PTPN13: variants seen among roughly 807,000 people sequenced by gnomAD.
PTPN13 encodes the protein protein tyrosine phosphatase non-receptor type 13.
PTPN13 carries 191 observed loss-of-function variants against 284.0 expected under a neutral mutation model. The observed-to-expected ratio is 0.67, with a 90% CI of 0.60 to 0.76. The LOEUF (loss-of-function observed/expected upper bound fraction) is 0.76, where lower values mean the gene tolerates loss of function less well. Ranked by LOEUF, PTPN13 falls within the 30% of genes least tolerant of loss-of-function variation. The pLI, the probability that PTPN13 is intolerant of heterozygous loss-of-function variation, is 0.00. For synonymous variants in PTPN13, 986 were observed against 1,022.3 expected (o/e 0.96, Z 0.68); for missense variants, 2,797 against 2,939.9 (o/e 0.95, Z 1.12).
chr4:86,720,777 A>C lies in PTPN13; in HGVS notation c.1386-1435A>C, dbSNP rs144895680. Among the ~76,000 whole-genome samples the C allele has an allele frequency of 2.0e-5, 3 of 152,288 alleles. No individual in the cohort carries two copies. In the East Asian group the frequency reaches 5.8e-4, roughly 29 times the overall value. ...AAAAGTTTCTATTCCCTTTAGCTAG[A>C]ATAAAATGGCAAAACAGATCCAGAG... On this transcript the variant is annotated intron_variant, in intron 9 of 47. Transcript: ENST00000411767.
At chr4:86,616,366 A>C (rs1283081550) in intron 1 of PTPN13, among the ~76,000 whole-genome samples, 1 of 152,176 alleles carries the variant, frequency 6.6e-6, no homozygotes, top group Non-Finnish European at 1.5e-5. Flanking sequence ...ATGTTACCTC[A>C]TAGAGATGAG....
chr4:86,702,248 T>C (rs994286455), intron 7 of PTPN13, among the ~76,000 whole-genome samples: 29 of 152,340 alleles, frequency 1.9e-4, no homozygotes, highest in Non-Finnish European at 3.7e-4. Flanking sequence ...TTATGGTGCA[T>C]TGCTTCTCAA....
chr4:86,675,617 T>A (rs973045779), intron 3 of PTPN13, among the ~76,000 whole-genome samples: 1 of 152,168 alleles, frequency 6.6e-6, no homozygotes, highest in Admixed American at 6.5e-5. Flanking sequence ...CTGTACATGT[T>A]TGTATGAAAA....
chr4:86,695,234 C>G (rs1314364088), intron 6 of PTPN13, among the ~76,000 whole-genome samples: 1 of 151,784 alleles, frequency 6.6e-6, no homozygotes, highest in African/African-American at 2.4e-5. Flanking sequence ...GAGTTTTTTT[C>G]TAATGCATAT....
At chr4:86,616,827 C>T (rs1454378482) in intron 1 of PTPN13, among the ~76,000 whole-genome samples, 1 of 152,136 alleles carries the variant, frequency 6.6e-6, no homozygotes, top group Non-Finnish European at 1.5e-5. Context: ...TATGAATTAC[C>T]TAGCCTCAGA....
intron 10 of PTPN13, among the ~76,000 whole-genome samples, chr4:86,723,769 A>G (rs1733929847): frequency 6.6e-6 from 1 of 152,172 alleles, no homozygotes; most frequent in Non-Finnish European, 1.5e-5. Flanking sequence ...GTGAAGCAAT[A>G]TTTCATTTGT....
intron 10 of PTPN13, among the ~76,000 whole-genome samples, chr4:86,728,336 T>G (rs1734523725): frequency 6.7e-6 from 1 of 149,386 alleles, no homozygotes; most frequent in South Asian, 2.1e-4. Flanking sequence ...TAGGTCCACT[T>G]GTTGCAGAGC....
chr4:86,747,553 GCA>G (rs1736921021), intron 17 of PTPN13, among the ~76,000 whole-genome samples: 2 of 143,092 alleles, frequency 1.4e-5, no homozygotes, highest in East Asian at 3.9e-4. Flanking sequence ...AGCAGCGGCA[GCA>G]GCAGCAGCAG....
intron 1 of PTPN13, among the ~76,000 whole-genome samples, chr4:86,634,493 T>C (rs191842402): frequency 2.0e-5 from 3 of 152,310 alleles, no homozygotes; most frequent in African/African-American, 7.2e-5. Flanking sequence ...GACAAAAATT[T>C]CAGCACAGAC....
chr4:86,749,310 TTCATCA>T (rs748716956), intron 17 of PTPN13, among the ~76,000 whole-genome samples: 59 of 151,242 alleles, frequency 3.9e-4, no homozygotes, highest in African/African-American at 1.2e-3. Context: ...TTTCTTCATC[TTCATCA>T]TCATCATCAT....
At chr4:86,802,996 A>T (rs1744204578) in intron 42 of PTPN13, among the ~76,000 whole-genome samples, 1 of 151,748 alleles carries the variant, frequency 6.6e-6, no homozygotes, top group African/African-American at 2.4e-5. Context: ...ATCGCCTGAG[A>T]CAGGTGGTTG....
At chr4:86,807,204 G>A (rs1744752229) in intron 44 of PTPN13, among the ~76,000 whole-genome samples, 1 of 152,054 alleles carries the variant, frequency 6.6e-6, no homozygotes, top group Admixed American at 6.6e-5. Context: ...TTAAAATAAT[G>A]ATGGAGAAGT....
intron 3 of PTPN13, among the ~76,000 whole-genome samples, chr4:86,678,040 C>A (rs1305283034): frequency 2.6e-5 from 4 of 152,070 alleles, no homozygotes; most frequent in African/African-American, 9.7e-5. Context: ...ACTGGTGTTC[C>A]TAGTCCTACA....
chr4:86,680,803 G>T (rs1419865473), intron 3 of PTPN13, among the ~76,000 whole-genome samples: 1 of 152,174 alleles, frequency 6.6e-6, no homozygotes, highest in Non-Finnish European at 1.5e-5. Context: ...TTATTAGACA[G>T]ATCTTGTGCT....
At chr4:86,761,171 A>AG (rs1166814661) in intron 23 of PTPN13, among the ~76,000 whole-genome samples, 1 of 85,956 alleles carries the variant, frequency 1.2e-5, no homozygotes, top group Non-Finnish European at 2.5e-5. Context: ...TATATATATA[A>AG]ACACAACACA....
At chr4:86,681,871 G>A (rs963528591) in intron 3 of PTPN13, among the ~76,000 whole-genome samples, 8 of 152,050 alleles carry the variant, frequency 5.3e-5, no homozygotes, top group African/African-American at 1.4e-4. Flanking sequence ...GAAGGTTGCA[G>A]TGAGCTGAGA....
At chr4:86,694,316 C>T (rs537450212) in intron 6 of PTPN13, among the ~76,000 whole-genome samples, 1 of 151,838 alleles carries the variant, frequency 6.6e-6, no homozygotes, top group South Asian at 2.1e-4. Flanking sequence ...CGTGGTGGCT[C>T]ACGCCTGTAA....
At chr4:86,604,196 T>G (rs975822716) in intron 1 of PTPN13, among the ~76,000 whole-genome samples, 2 of 152,046 alleles carry the variant, frequency 1.3e-5, no homozygotes, top group Admixed American at 1.3e-4. Flanking sequence ...TTAGCTCTTT[T>G]AGTAATTAGA....
intron 3 of PTPN13, among the ~76,000 whole-genome samples, chr4:86,680,682 T>C (rs181616358): frequency 6.6e-6 from 1 of 152,320 alleles, no homozygotes; most frequent in Non-Finnish European, 1.5e-5. Context: ...GTTGCTCCTT[T>C]TTTACCCAAT....
Sources: allele counts gnomAD v4.1 joint callset (sites outside exome capture counted in the v4.1 genomes callset), GRCh38; gene constraint gnomAD v4.1.1; transcripts MANE v1.5; gene names NCBI Gene and HGNC (gene_info 2026-07-23, HGNC 2026-07-21).